The following NLRP1 variants were observed in gnomAD, a reference collection of about 807,000 sequenced individuals.
NLRP1 encodes NACHT, LRR and PYD domains-containing protein 1.
A neutral mutation model predicts 136.7 loss-of-function variants in NLRP1; 94 were observed. The observed-to-expected ratio is 0.69, with a 90% CI of 0.58 to 0.82. The LOEUF is 0.82. NLRP1 is among the 40% of genes least tolerant of loss of function. The pLI, the probability that NLRP1 is intolerant of heterozygous loss-of-function variation, is 0.00. For missense variants in NLRP1, 1,575 were observed against 1,802.7 expected (o/e 0.87, Z 2.29); for synonymous variants, 690 against 725.1 (o/e 0.95, Z 0.78).
intron 5 of NLRP1, 107 bp downstream of exon 5, chr17:5,553,279 A>G: frequency 9.5e-7 from 1 of 1,057,038 alleles, no homozygotes; most frequent in Non-Finnish European, 1.3e-6. Context: ...AGAAGGCCTC[A>G]ACGAATATTT....
intron 4 of NLRP1, among the ~76,000 whole-genome samples, chr17:5,554,006 C>T (rs1327996552): frequency 6.6e-6 from 1 of 152,168 alleles, no homozygotes; most frequent in African/African-American, 2.4e-5. Context: ...TGCAGACACA[C>T]CTGTGTTCCT....
chr17:5,560,011 T>C lies in NLRP1; in HGVS notation c.685A>G (p.Lys229Glu). The change falls in exon 4 of 17, where the codon AAA (lysine) becomes GAA (glutamate). Residue 229 changes from lysine (K) to glutamate (E), a missense_variant. Transcript: ENST00000572272. ...IREREREKSE[K>E]GRPPWAAVVG... ...ACCGCTGCCCATGGGGGCCTGCCTTTCTCTGATTTCTCTCTCTCTCTTTCT... is the reference window on the plus strand; with the variant it reads ...ACCGCTGCCCATGGGGGCCTGCCTTCCTCTGATTTCTCTCTCTCTCTTTCT... The C allele has an allele frequency of 6.3e-7, 1 of 1,575,226 alleles. No homozygotes were observed. Among genetic ancestry groups the C allele is most frequent in the Non-Finnish European group, 8.6e-7 (1 of 1,163,814 alleles).
At chr17:5,550,555 C>A (rs978076750) in intron 5 of NLRP1, among the ~76,000 whole-genome samples, 1 of 152,028 alleles carries the variant, frequency 6.6e-6, no homozygotes, top group African/African-American at 2.4e-5. Flanking sequence ...TCTTTTATTT[C>A]TGATTTTAGT....
intron 5 of NLRP1, among the ~76,000 whole-genome samples, chr17:5,550,353 C>T (rs1264526304): frequency 4.6e-5 from 7 of 152,108 alleles, no homozygotes; most frequent in South Asian, 2.1e-4. Flanking sequence ...AAGTTTTTAA[C>T]TTACTAATTC....
chr17:5,535,554 T>G (rs958091174), intron 8 of NLRP1, among the ~76,000 whole-genome samples: 3 of 152,172 alleles, frequency 2.0e-5, no homozygotes, highest in Non-Finnish European at 4.4e-5. Context: ...TGACCCCAGG[T>G]GCATTTGCGC....
At chr17:5,501,988 T>C in intron 15 of NLRP1, 2 of 883,830 alleles carry the variant, frequency 2.3e-6, no homozygotes, top group Non-Finnish European at 3.7e-6. Flanking sequence ...ATCAGAGAAC[T>C]CCCTGCCTCC....
At chr17:5,555,283 C>G (rs1336555504) in intron 4 of NLRP1, among the ~76,000 whole-genome samples, 1 of 152,200 alleles carries the variant, frequency 6.6e-6, no homozygotes, top group East Asian at 1.9e-4. Context: ...TTTAATATCT[C>G]TGGTTGGTTC....
intron 11 of NLRP1, among the ~76,000 whole-genome samples, chr17:5,531,538 C>T (rs543690655): frequency 2.0e-5 from 3 of 152,138 alleles, no homozygotes; most frequent in Non-Finnish European, 4.4e-5. Flanking sequence ...AATATTAATG[C>T]TAAACCCTTA....
intron 3 of NLRP1, among the ~76,000 whole-genome samples, chr17:5,564,812 A>G (rs1201819845): frequency 7.4e-6 from 1 of 135,798 alleles, no homozygotes; most frequent in East Asian, 2.1e-4. Context: ...ATCTTGGCTC[A>G]CTGCAAGCTC....
intron 3 of NLRP1, among the ~76,000 whole-genome samples, chr17:5,572,863 A>G (rs936349533): frequency 6.6e-6 from 1 of 152,242 alleles, no homozygotes; most frequent in Admixed American, 6.5e-5. Context: ...GAATAGGAAC[A>G]GCTCCGGTCT....
chr17:5,502,011 G>GC, intron 15 of NLRP1: 1 of 726,748 alleles, frequency 1.4e-6, no homozygotes, highest in South Asian at 1.6e-5. Context: ...CAAGTGAAAG[G>GC]CCCCGGGGTG....
intron 15 of NLRP1, among the ~76,000 whole-genome samples, chr17:5,506,871 C>T (rs958474291): frequency 7.1e-6 from 1 of 141,262 alleles, no homozygotes; most frequent in African/African-American, 2.6e-5. Context: ...CACTGCACTC[C>T]AGCCTGGGCA....
chr17:5,570,886 A>G (rs963992915), intron 3 of NLRP1, among the ~76,000 whole-genome samples: 1 of 152,238 alleles, frequency 6.6e-6, no homozygotes, highest in Non-Finnish European at 1.5e-5. Flanking sequence ...AACTGAATCC[A>G]GCAGCACGTC....
intron 3 of NLRP1, among the ~76,000 whole-genome samples, chr17:5,576,683 A>G (rs1418955269): frequency 6.6e-6 from 1 of 152,212 alleles, no homozygotes; most frequent in East Asian, 1.9e-4. Context: ...CCAGACGTAC[A>G]AGGAGGAGCT....
At chr17:5,532,014 A>G (rs8070555) in intron 11 of NLRP1, among the ~76,000 whole-genome samples, 8,683 of 152,270 alleles carry the variant, frequency 0.057, 288 homozygotes, top group Middle Eastern at 0.099. Flanking sequence ...AGGCTGAGGA[A>G]GGTGGATCGT....
At chr17:5,533,135 G>C in intron 10 of NLRP1, 151 bp from the exon 11 acceptor site, 2 of 1,432,998 alleles carry the variant, frequency 1.4e-6, no homozygotes, top group Admixed American at 2.5e-5. Flanking sequence ...CTCCATGGCT[G>C]CCTGCCTGCT....
In NLRP1 at chr17:5,524,239, G is replaced by A. The variant is rs559437252; in HGVS notation, c.3521-2453C>T. Among the ~76,000 whole-genome samples, 9 of 152,294 alleles carry A rather than the reference G, an allele frequency of 5.9e-5. No homozygotes were observed. In the South Asian group the frequency reaches 1.5e-3, roughly 25 times the overall value. ...CGCCTGCATTACAGTCTTTCTCTGC[G>A]GCAACACCTTTTCCTATTTTTATTG... On this transcript the variant is annotated intron_variant, in intron 12 of 16. Coordinates refer to ENST00000572272, the MANE Select transcript of NLRP1 (RefSeq NM_033004.4).
Position 5,539,534 on chromosome 17 carries a change from C to T in NLRP1, c.2751G>A (p.Val917=). 6.2e-7 allele frequency: 1 copy of T among 1,613,936 alleles called. No homozygotes were observed. The highest frequency in any genetic ancestry group is 1.1e-5 in the South Asian group (1 of 91,066). Residue 917 remains valine, a synonymous_variant, in exon 7 of 17, where the codon GTG becomes GTA. Transcript: ENST00000572272. ...TSDCCQDLAS[V]LSASPSLKEL... is the part of the protein sequence containing the mutation. ...CCTTCAGGCTGGGGCTGGCACTAAGCACAGAGGCCAGGTCCTGGCAGCAGT... is the reference window on the plus strand; with the variant it reads ...CCTTCAGGCTGGGGCTGGCACTAAGTACAGAGGCCAGGTCCTGGCAGCAGT...
chr17:5,566,962 T>C (rs912067998), intron 3 of NLRP1, among the ~76,000 whole-genome samples: 4 of 152,186 alleles, frequency 2.6e-5, no homozygotes, highest in Non-Finnish European at 5.9e-5. Context: ...AAATCTATTT[T>C]GTCTGATACA....
Sources: allele counts gnomAD v4.1 joint callset (sites outside exome capture counted in the v4.1 genomes callset), GRCh38; gene constraint gnomAD v4.1.1; transcripts MANE v1.5; gene names NCBI Gene and HGNC (gene_info 2026-07-23, HGNC 2026-07-21).